The following HDAC9 variants were observed in gnomAD, a reference collection of about 807,000 sequenced individuals.
HDAC9 encodes MEF-2 interacting transcription repressor (MITR) protein.
In HDAC9, 41 loss-of-function variants were observed where a neutral mutation model predicts 139.4. The ratio of observed to expected loss-of-function variants is 0.29; its 90% CI spans 0.23 to 0.38. HDAC9 has a LOEUF of 0.38. HDAC9 is among the 10% of genes least tolerant of loss of function. HDAC9 has a pLI of 1.00. For missense variants in HDAC9, 1,147 were observed against 1,297.0 expected (o/e 0.88, Z 1.78); for synonymous variants, 517 against 476.2 (o/e 1.09, Z -1.12).
chr7:18,381,198 C>CA (rs60825586), intron 1 of HDAC9, among the ~76,000 whole-genome samples: 152 of 73,294 alleles, frequency 2.1e-3, no homozygotes, highest in Admixed American at 2.4e-3. Context: ...GACTCTGTCT[C>CA]AAAAAAAAAA....
intron 14 of HDAC9, among the ~76,000 whole-genome samples, chr7:18,759,172 TC>T (rs1490354715): frequency 6.6e-6 from 1 of 152,074 alleles, no homozygotes; most frequent in Non-Finnish European, 1.5e-5. Context: ...AGTTGACTGA[TC>T]TTACACAAGG....
chr7:18,935,514 A>G (rs894650878), intron 22 of HDAC9, among the ~76,000 whole-genome samples: 3 of 152,190 alleles, frequency 2.0e-5, no homozygotes, highest in Non-Finnish European at 4.4e-5. Flanking sequence ...TTTTTTATCC[A>G]GATACATACA....
intron 1 of HDAC9, among the ~76,000 whole-genome samples, chr7:18,130,353 G>A (rs546006965): frequency 9.9e-5 from 15 of 152,110 alleles, no homozygotes; most frequent in Non-Finnish European, 1.8e-4. Context: ...TGAAAGGTAA[G>A]CATGAGGAAT....
At chr7:18,909,032 T>G (rs1802516572) in intron 22 of HDAC9, among the ~76,000 whole-genome samples, 1 of 152,092 alleles carries the variant, frequency 6.6e-6, no homozygotes, top group African/African-American at 2.4e-5. Flanking sequence ...GAGTTCATTT[T>G]TCTCTACATC....
At chr7:18,304,381 T>A (rs2128617414) in intron 1 of HDAC9, among the ~76,000 whole-genome samples, 1 of 152,340 alleles carries the variant, frequency 6.6e-6, no homozygotes, top group Middle Eastern at 3.4e-3. Flanking sequence ...TCAGAGCTCA[T>A]ACTCTCAAGC....
chr7:18,892,360 T>G (rs1192129966), intron 22 of HDAC9, among the ~76,000 whole-genome samples: 2 of 152,092 alleles, frequency 1.3e-5, no homozygotes, highest in Admixed American at 6.5e-5. Flanking sequence ...ATAAACAATA[T>G]CAACATGATC....
At chr7:18,754,104 G>A (rs1300521138) in intron 14 of HDAC9, among the ~76,000 whole-genome samples, 1 of 151,912 alleles carries the variant, frequency 6.6e-6, no homozygotes, top group Non-Finnish European at 1.5e-5. Flanking sequence ...TTGGCCTGAC[G>A]TGGCACTGTT....
intron 1 of HDAC9, among the ~76,000 whole-genome samples, chr7:18,332,469 T>A (rs1413729925): frequency 6.6e-6 from 1 of 151,568 alleles, no homozygotes; most frequent in Non-Finnish European, 1.5e-5. Context: ...TCTTCTTGCA[T>A]GTAGCTTTTC....
intron 6 of HDAC9, among the ~76,000 whole-genome samples, chr7:18,617,140 C>T (rs1838837429): frequency 6.6e-6 from 1 of 152,032 alleles, no homozygotes. Context: ...TTAGTTCATT[C>T]CCTATTTTGT....
chr7:18,306,879 C>A (rs768003896), intron 1 of HDAC9, among the ~76,000 whole-genome samples: 2 of 152,128 alleles, frequency 1.3e-5, no homozygotes, highest in African/African-American at 2.4e-5. Context: ...TACTTAAATT[C>A]TTTCCATTCT....
chr7:18,640,357 TAAAAAAAAAAAAAAA>T (rs56655676), intron 8 of HDAC9, among the ~76,000 whole-genome samples: 2 of 66,082 alleles, frequency 3.0e-5, no homozygotes, highest in African/African-American at 5.4e-5. Context: ...GATCCTGTCT[TAAAAAAAAAAAAAAA>T]AAAAAAAAAA....
chr7:18,306,245 T>A lies in HDAC9; in HGVS notation c.-42+15730T>A, dbSNP rs994386711. 5.1e-4 allele frequency among the ~76,000 whole-genome samples: 77 copies of A among 152,180 alleles called. 3 individuals carry two copies. The highest frequency in any genetic ancestry group is 2.5e-4 in the Non-Finnish European group (17 of 68,026). The stretch of plus-strand genomic sequence containing the variant: ...CTGAACATCGTTATTAGTTGGGGGC[T>A]GCTGTGGGTAGGACTCAGACTATGG... On this transcript the variant is annotated intron_variant, in intron 1 of 3. Transcript: ENST00000413509.
chr7:18,275,619 G>C (rs996360990), intron 2 of HDAC9, among the ~76,000 whole-genome samples: 2 of 152,078 alleles, frequency 1.3e-5, no homozygotes, highest in Non-Finnish European at 2.9e-5. Flanking sequence ...CCTCCTTGAT[G>C]TTCACTGGAC....
intron 1 of HDAC9, among the ~76,000 whole-genome samples, chr7:18,353,589 A>C (rs1256503690): frequency 6.6e-6 from 1 of 152,174 alleles, no homozygotes; most frequent in Non-Finnish European, 1.5e-5. Flanking sequence ...GTGCAAATGA[A>C]TCCTCTATGA....
At chr7:18,706,160 CTTTTTTTTTT>C (rs1165670432) in intron 12 of HDAC9, among the ~76,000 whole-genome samples, 17 of 86,758 alleles carry the variant, frequency 2.0e-4, no homozygotes, top group Non-Finnish European at 3.6e-4. Flanking sequence ...GAAAGTTTTC[CTTTTTTTTTT>C]TTTTTTTTTT....
intron 2 of HDAC9, among the ~76,000 whole-genome samples, chr7:18,251,213 G>T (rs979123741): frequency 5.3e-5 from 8 of 152,122 alleles, no homozygotes; most frequent in African/African-American, 1.9e-4. Flanking sequence ...GCAGGGACTT[G>T]GATGGAGCTG....
intron 2 of HDAC9, among the ~76,000 whole-genome samples, chr7:18,174,110 G>T (rs201260630): frequency 2.6e-5 from 4 of 152,028 alleles, no homozygotes; most frequent in African/African-American, 7.2e-5. Context: ...TGGTCTTTTC[G>T]CATAGTCCCA....
At chr7:18,344,949 G>C (rs971054257) in intron 1 of HDAC9, among the ~76,000 whole-genome samples, 35 of 151,942 alleles carry the variant, frequency 2.3e-4, no homozygotes, top group African/African-American at 7.7e-4. Flanking sequence ...AAAGTAATCA[G>C]TCAGGTCATT....
chr7:18,771,649 T>G (rs1790305049), intron 16 of HDAC9, among the ~76,000 whole-genome samples: 1 of 152,040 alleles, frequency 6.6e-6, no homozygotes, highest in Admixed American at 6.6e-5. Context: ...TTCATATTAT[T>G]TTTCTAATTA....
Sources: allele counts gnomAD v4.1 joint callset (sites outside exome capture counted in the v4.1 genomes callset), GRCh38; gene constraint gnomAD v4.1.1; transcripts MANE v1.5; gene names NCBI Gene and HGNC (gene_info 2026-07-23, HGNC 2026-07-21).